PNPLA7: variants seen among roughly 807,000 people sequenced by gnomAD.
PNPLA7 encodes the protein patatin like domain 7, lysophospholipase, also known as patatin-like phospholipase domain-containing protein 7.
In PNPLA7, 153 loss-of-function variants were observed where a neutral mutation model predicts 161.7. That is an observed-to-expected ratio of 0.95 (90% confidence interval 0.83 to 1.08). The LOEUF (loss-of-function observed/expected upper bound fraction) is 1.08, where lower values mean the gene tolerates loss of function less well. Among genes scored for constraint, PNPLA7 ranks in the 50% least tolerant of loss-of-function variants. The pLI is 0.00. For synonymous variants in PNPLA7, 809 were observed against 782.1 expected (o/e 1.03, Z -0.57); for missense variants, 1,739 against 1,856.6 (o/e 0.94, Z 1.16).
At chr9:137,502,581 G>A (rs1454274998) in intron 14 of PNPLA7, among the ~76,000 whole-genome samples, 4 of 141,978 alleles carry the variant, frequency 2.8e-5, no homozygotes, top group African/African-American at 8.1e-5. Flanking sequence ...GCCCCAGGGC[G>A]CGTTGTCAGC....
chr9:137,479,197 C>T lies in PNPLA7; in HGVS notation c.2622G>A (p.Lys874=). ...MLESTAVRAQ[K]QLILLHREEG... is the part of the protein sequence containing the mutation. ...CCTCCCTGTGCAGCAGGATCAGCTG[C>T]TTCTGGGCACGCACAGCTGTGCTCT... Residue 874 remains lysine (K), a synonymous_variant, in exon 24 of 35, where the codon AAG becomes AAA. Coordinates refer to ENST00000406427, the MANE Select transcript of PNPLA7 (RefSeq NM_001098537.3). 4 of 1,559,144 alleles carry T rather than the reference C, an allele frequency of 2.6e-6. No homozygotes were observed. The highest frequency in any genetic ancestry group is 2.6e-6 in the Non-Finnish European group (3 of 1,152,592).
intron 21 of PNPLA7, among the ~76,000 whole-genome samples, chr9:137,482,023 C>A (rs1398133907): frequency 2.6e-5 from 4 of 152,188 alleles, no homozygotes; most frequent in African/African-American, 9.7e-5. Context: ...AAATAAGGGC[C>A]CCTCTTACAA....
chr9:137,477,645 A>T (rs1344821912), intron 25 of PNPLA7, among the ~76,000 whole-genome samples: 1 of 152,178 alleles, frequency 6.6e-6, no homozygotes, highest in Non-Finnish European at 1.5e-5. Flanking sequence ...GGGTTTCGCC[A>T]CGTTGGCCAG....
chr9:137,521,889 C>G (rs1318145286), intron 9 of PNPLA7, among the ~76,000 whole-genome samples, 173 bp from the exon 10 acceptor site: 6 of 152,188 alleles, frequency 3.9e-5, no homozygotes, highest in Non-Finnish European at 7.3e-5. Context: ...GGTCAAGTAA[C>G]ACGTTCACAT....
chr9:137,518,292 C>T (rs1344503082), intron 11 of PNPLA7, among the ~76,000 whole-genome samples: 2 of 137,150 alleles, frequency 1.5e-5, no homozygotes, highest in Non-Finnish European at 3.1e-5. Flanking sequence ...CCATCCCCCA[C>T]TCACTGACTC....
rs1240740043 is a variant in PNPLA7 at position 137,464,309 on chromosome 9, GCTGCATGGGCT to G, written c.3156+20_3156+30del. 1 of 1,606,722 alleles carries G rather than the reference GCTGCATGGGCT, an allele frequency of 6.2e-7. No individual in the cohort carries two copies. Among genetic ancestry groups the G allele is most frequent in the Non-Finnish European group, 8.5e-7 (1 of 1,174,080 alleles). On this transcript the variant is annotated intron_variant, in intron 27 of 34. Transcript: ENST00000406427. The stretch of plus-strand genomic sequence containing the variant: ...GGCCAGGAGGGGACAGGCACTGGGG[GCTGCATGGGCT>G]CCTGAGGGTGGGGGTGCACCTCGAT...
chr9:137,545,980 C>T (rs373677640), intron 4 of PNPLA7, among the ~76,000 whole-genome samples: 17 of 152,134 alleles, frequency 1.1e-4, no homozygotes, highest in African/African-American at 1.7e-4. Flanking sequence ...CCTCCACCTC[C>T]TGTGGAGGGC....
At chr9:137,491,912 T>TGGGGAGGCC in intron 20 of PNPLA7, 2 of 985,282 alleles carry the variant, frequency 2.0e-6, no homozygotes, top group Non-Finnish European at 2.4e-6. Flanking sequence ...GCTGGGCGGA[T>TGGGGAGGCC]GGGGAGGCCA....
intron 12 of PNPLA7, chr9:137,509,518 GC>G (rs2132378542): frequency 3.9e-6 from 1 of 257,758 alleles, no homozygotes; most frequent in East Asian, 9.8e-5. Context: ...AGTTTAGCTG[GC>G]ATGAGTGAGT....
At position 137,518,950 on chromosome 9, in the gene PNPLA7, C is replaced by CCCACA. The variant is rs1564345165; in HGVS notation, c.1084+966_1084+967insTGTGG. On this transcript the variant is annotated intron_variant, in intron 11 of 34. Coordinates refer to ENST00000406427, the MANE Select transcript of PNPLA7 (RefSeq NM_001098537.3). ...ACTCACTCCACTCTGTCCACTCCAT[C>CCCACA]CTCACTCACTCACTCCACCCTATCC... Among the ~76,000 whole-genome samples the CCCACA allele has an allele frequency of 3.5e-4, 46 of 131,982 alleles. 1 individual carries two copies. The highest frequency in any genetic ancestry group is 5.8e-4 in the Non-Finnish European group (35 of 60,116). The allele number at this position is 131,982 out of a possible 152,430, so 86.6% of individuals were successfully genotyped here.
At chr9:137,516,574 C>G (rs1368415739) in intron 11 of PNPLA7, 1 of 968,428 alleles carries the variant, frequency 1.0e-6, no homozygotes, top group East Asian at 1.1e-4. Context: ...TTTGGGAGGC[C>G]AAGGTGGGAG....
intron 12 of PNPLA7, among the ~76,000 whole-genome samples, chr9:137,514,131 C>A (rs1025051806): frequency 6.7e-6 from 1 of 149,772 alleles, no homozygotes; most frequent in Admixed American, 6.6e-5. Flanking sequence ...TGTTGAGGTG[C>A]CCGGGCCCTG....
chr9:137,489,173 C>T (rs1051621665), intron 20 of PNPLA7, among the ~76,000 whole-genome samples: 4 of 152,164 alleles, frequency 2.6e-5, no homozygotes, highest in African/African-American at 7.2e-5. Context: ...AAGAAAGCCT[C>T]GAATCTGTAA....
intron 12 of PNPLA7, among the ~76,000 whole-genome samples, chr9:137,506,595 C>T (rs1833935466): frequency 6.6e-6 from 1 of 152,186 alleles, no homozygotes; most frequent in Non-Finnish European, 1.5e-5. Flanking sequence ...GAGGTTCGCT[C>T]TTCGCAGTCC....
intron 4 of PNPLA7, among the ~76,000 whole-genome samples, chr9:137,545,534 C>G (rs1836452147): frequency 6.6e-6 from 1 of 152,160 alleles, no homozygotes; most frequent in East Asian, 1.9e-4. Context: ...GAGCGGCAAG[C>G]GACTGAGGGC....
chr9:137,498,337 A>C, intron 16 of PNPLA7, 92 bp from the exon 17 acceptor site: 3 of 1,526,590 alleles, frequency 2.0e-6, no homozygotes, highest in East Asian at 2.3e-5. Context: ...GGGACCCACA[A>C]CCCCCACCCC....
At chr9:137,545,258 T>C (rs757702180) in intron 4 of PNPLA7, among the ~76,000 whole-genome samples, 9 of 151,484 alleles carry the variant, frequency 5.9e-5, no homozygotes, top group Non-Finnish European at 1.2e-4. Flanking sequence ...ACATTCAAAG[T>C]GAGTCACGCA....
intron 8 of PNPLA7, among the ~76,000 whole-genome samples, chr9:137,533,006 C>G (rs944383929): frequency 6.7e-6 from 1 of 149,198 alleles, no homozygotes; most frequent in African/African-American, 2.5e-5. Context: ...AGACTCCTCC[C>G]CAAGTGTCCA....
intron 28 of PNPLA7, 48 bp from the exon 29 acceptor site, chr9:137,463,579 T>G: frequency 7.1e-7 from 1 of 1,404,976 alleles, no homozygotes; most frequent in Non-Finnish European, 9.8e-7. Flanking sequence ...AGGCTCCTCC[T>G]GGGTCCAGGG....
Sources: gnomAD v4.1 joint callset for allele counts (sites outside exome capture counted in the v4.1 genomes callset) on GRCh38, gnomAD v4.1.1 for gene constraint, MANE v1.5 for transcripts, NCBI Gene and HGNC (gene_info 2026-07-23, HGNC 2026-07-21) for gene names.